Variants in KCNIP4 observed in about 807,000 individuals in gnomAD.
KCNIP4 encodes potassium voltage-gated channel interacting protein 4, also known as Kv channel-interacting protein 4.
A neutral mutation model predicts 34.0 loss-of-function variants in KCNIP4; 12 were observed. That is an observed-to-expected ratio of 0.35 (90% CI 0.23 to 0.57). The LOEUF is 0.57. KCNIP4 is among the 20% of genes least tolerant of loss of function. The pLI is 0.83. For synonymous variants in KCNIP4, 124 were observed against 102.2 expected (o/e 1.21, Z -1.29); for missense variants, 238 against 311.7 (o/e 0.76, Z 1.78).
In KCNIP4 at chr4:21,368,237, T is replaced by TAA. The variant is rs71655631; in HGVS notation, c.62-485529_62-485528insTT. On this transcript the variant is annotated intron_variant, in intron 1 of 8. Coordinates refer to ENST00000382152, the MANE Select transcript of KCNIP4 (RefSeq NM_025221.6). ...GAATGACTAGAATTTAAGAAGCTGT[T>TAA]ACACACACACACACACACACAATAA... 2.1e-5 allele frequency among the ~76,000 whole-genome samples: 3 copies of TAA among 143,628 alleles called. 1 individual carries two copies. The highest frequency in any genetic ancestry group is 8.7e-5 in the African/African-American group (3 of 34,522). The allele number at this position is 143,628 out of a possible 152,430, so 94.2% of individuals were successfully genotyped here.
At chr4:21,390,739 TG>T (rs1353657112) in intron 1 of KCNIP4, among the ~76,000 whole-genome samples, 1 of 152,244 alleles carries the variant, frequency 6.6e-6, no homozygotes, top group Non-Finnish European at 1.5e-5. Flanking sequence ...AGTAGTGTGA[TG>T]CCTCCAGCTT....
chr4:21,864,577 G>A (rs1725305254), intron 1 of KCNIP4, among the ~76,000 whole-genome samples: 1 of 152,104 alleles, frequency 6.6e-6, no homozygotes, highest in Admixed American at 6.5e-5. Context: ...GTTCAGTCCT[G>A]GGATTCCAGA....
At chr4:21,411,811 C>A (rs971716705) in intron 1 of KCNIP4, among the ~76,000 whole-genome samples, 23 of 152,268 alleles carry the variant, frequency 1.5e-4, no homozygotes, top group African/African-American at 5.5e-4. Flanking sequence ...ACACTCCAGC[C>A]TGGGTGACAG....
At chr4:20,745,531 A>C (rs1181693456) in intron 5 of KCNIP4, among the ~76,000 whole-genome samples, 2 of 152,206 alleles carry the variant, frequency 1.3e-5, no homozygotes, top group African/African-American at 4.8e-5. Flanking sequence ...AAACTTAACA[A>C]CAACTCTCAA....
rs112628318 is a variant in KCNIP4, at chr4:20,814,011, G to T, written c.288+36532C>A. 6.8e-3 allele frequency among the ~76,000 whole-genome samples: 1,040 copies of T among 152,276 alleles called. 15 individuals carry two copies. The highest frequency in any genetic ancestry group is 0.023 in the African/African-American group (969 of 41,556). ...TGAGCTGCCAAGTAACCCACTATCT[G>T]TGCAGCTGTGGGGAGGAACCAGAAA... On this transcript the variant is annotated intron_variant, in intron 3 of 8. Transcript: ENST00000382152.
intron 1 of KCNIP4, among the ~76,000 whole-genome samples, chr4:21,669,525 C>T (rs186292092): frequency 7.2e-5 from 11 of 152,318 alleles, no homozygotes; most frequent in Admixed American, 5.2e-4. Flanking sequence ...TTTTGGTCAA[C>T]AGCAGACAAC....
chr4:20,854,351 G>T (rs1281826311), intron 2 of KCNIP4, among the ~76,000 whole-genome samples: 1 of 152,190 alleles, frequency 6.6e-6, no homozygotes, highest in Non-Finnish European at 1.5e-5. Flanking sequence ...TGACCTGAAT[G>T]AGATTGGAGA....
At chr4:21,911,856 A>G (rs1728353682) in intron 1 of KCNIP4, among the ~76,000 whole-genome samples, 1 of 152,082 alleles carries the variant, frequency 6.6e-6, no homozygotes, top group South Asian at 2.1e-4. Flanking sequence ...CGGCCAAGAT[A>G]TAATCTCTCT....
intron 1 of KCNIP4, among the ~76,000 whole-genome samples, chr4:21,833,501 A>G (rs2109308763): frequency 6.6e-6 from 1 of 152,288 alleles, no homozygotes; most frequent in East Asian, 1.9e-4. Context: ...GCCCTTTGTC[A>G]GATGAGTAGG....
At chr4:21,403,872 G>A (rs1428402030) in intron 1 of KCNIP4, among the ~76,000 whole-genome samples, 1 of 152,142 alleles carries the variant, frequency 6.6e-6, no homozygotes, top group Non-Finnish European at 1.5e-5. Flanking sequence ...AAGGTGCTCT[G>A]TTCTGCTTCT....
intron 1 of KCNIP4, among the ~76,000 whole-genome samples, chr4:21,481,662 C>T (rs1731438149): frequency 6.6e-6 from 1 of 152,104 alleles, no homozygotes; most frequent in Admixed American, 6.6e-5. Flanking sequence ...TGGTGGGCTT[C>T]TGGACTAATG....
At chr4:21,820,320 T>C (rs1030544791) in intron 1 of KCNIP4, among the ~76,000 whole-genome samples, 52 of 139,120 alleles carry the variant, frequency 3.7e-4, no homozygotes, top group Admixed American at 8.0e-4. Flanking sequence ...TATATATATA[T>C]ATATACATAT....
chr4:21,506,464 T>C (rs1733854356), intron 1 of KCNIP4, among the ~76,000 whole-genome samples: 1 of 152,244 alleles, frequency 6.6e-6, no homozygotes, highest in South Asian at 2.1e-4. Context: ...GGATTCTCAA[T>C]ACTGGCAATT....
chr4:20,983,931 G>A, intron 1 of KCNIP4: 1 of 1,536,028 alleles, frequency 6.5e-7, no homozygotes, highest in Non-Finnish European at 8.7e-7. Context: ...AACATCCTCT[G>A]AGCTGGCAGA....
At chr4:21,747,983 G>C (rs1716888414) in intron 1 of KCNIP4, among the ~76,000 whole-genome samples, 1 of 152,138 alleles carries the variant, frequency 6.6e-6, no homozygotes, top group Non-Finnish European at 1.5e-5. Context: ...AACATCAGGA[G>C]CCACCAGAAG....
chr4:20,897,630 G>A (rs1226332610), intron 1 of KCNIP4, among the ~76,000 whole-genome samples: 1 of 152,004 alleles, frequency 6.6e-6, no homozygotes, highest in Non-Finnish European at 1.5e-5. Flanking sequence ...GTGGGGCCCT[G>A]ATCCAATATG....
chr4:20,929,050 C>T (rs1730175227), intron 1 of KCNIP4, among the ~76,000 whole-genome samples: 2 of 151,884 alleles, frequency 1.3e-5, no homozygotes, highest in Admixed American at 6.6e-5. Flanking sequence ...GCAAGCATCA[C>T]CTTGATCCCT....
chr4:21,445,628 A>G (rs1327737773), intron 1 of KCNIP4, among the ~76,000 whole-genome samples: 1 of 152,226 alleles, frequency 6.6e-6, no homozygotes, highest in South Asian at 2.1e-4. Flanking sequence ...TTAATTCAAG[A>G]TGGATTAAAG....
chr4:21,533,327 C>A (rs976119662), intron 1 of KCNIP4, among the ~76,000 whole-genome samples: 1 of 152,016 alleles, frequency 6.6e-6, no homozygotes, highest in African/African-American at 2.4e-5. Flanking sequence ...TTCAAAATCT[C>A]CCCCTTTTGA....
Sources: allele counts gnomAD v4.1 joint callset (sites outside exome capture counted in the v4.1 genomes callset), GRCh38; gene constraint gnomAD v4.1.1; transcripts MANE v1.5; gene names NCBI Gene and HGNC (gene_info 2026-07-23, HGNC 2026-07-21).